MCTP1: variants seen among roughly 807,000 people sequenced by gnomAD.
The protein encoded by MCTP1 is multiple C2 and transmembrane domain containing 1.
Under a neutral mutation model 120.6 loss-of-function variants are expected in MCTP1, and 69 were observed. That is an observed-to-expected ratio of 0.57 (90% CI 0.47 to 0.70). MCTP1 has a LOEUF of 0.70. MCTP1 is among the 30% of genes least tolerant of loss of function. The pLI is 0.00. For synonymous variants in MCTP1, 529 were observed against 493.1 expected, an observed-to-expected ratio of 1.07 and a Z score of -0.96; for missense variants, 1,203 against 1,248.8, an observed-to-expected ratio of 0.96 and a Z score of 0.55.
chr5:94,710,862 G>A lies in MCTP1; in HGVS notation c.2786C>T (p.Ala929Val), dbSNP rs1173100727. 9.9e-6 allele frequency: 16 copies of A among 1,612,900 alleles called. 2 individuals carry two copies. In the African/African-American group the frequency reaches 1.6e-4, roughly 16 times the overall value. Residue 929 changes from alanine to valine, a missense_variant, in exon 21 of 23, where the codon GCC becomes GTC. By Grantham distance (64) the Ala-to-Val change is moderately conservative (BLOSUM62 0). Coordinates refer to ENST00000515393, the MANE Select transcript of MCTP1 (RefSeq NM_024717.7). ...TCTCAGCGGAATGCAGTACAGGATGGCTGTGAACACACAGAGGGCTACAAT... is the reference window on the plus strand; with the variant it reads ...TCTCAGCGGAATGCAGTACAGGATGACTGTGAACACACAGAGGGCTACAAT... ...LAIVALCVFT[A>V]ILYCIPLRYI...
intron 10 of MCTP1, among the ~76,000 whole-genome samples, chr5:94,908,354 T>A (rs375878781): frequency 6.6e-6 from 1 of 151,960 alleles, no homozygotes; most frequent in South Asian, 2.1e-4. Flanking sequence ...GAAAATGATA[T>A]ATATATAACT....
At chr5:95,140,082 T>C (rs898290161) in intron 1 of MCTP1, among the ~76,000 whole-genome samples, 16 of 152,230 alleles carry the variant, frequency 1.1e-4, no homozygotes, top group African/African-American at 2.9e-4. Flanking sequence ...ATGACACTCA[T>C]GCTTCCAATG....
chr5:95,061,048 T>C (rs571591808), intron 1 of MCTP1, among the ~76,000 whole-genome samples: 2 of 148,106 alleles, frequency 1.4e-5, no homozygotes, highest in African/African-American at 5.0e-5. Flanking sequence ...CATGAAGCCA[T>C]GAAGCCATTA....
At chr5:94,808,681 CA>C (rs1782855238) in intron 17 of MCTP1, among the ~76,000 whole-genome samples, 1 of 151,978 alleles carries the variant, frequency 6.6e-6, no homozygotes, top group African/African-American at 2.4e-5. Flanking sequence ...CACTATCTAC[CA>C]AATGACTCTA....
In MCTP1 at chr5:94,953,071, T is replaced by TTCCCTCCTTCTAA. The variant is rs1246146094; in HGVS notation, c.981+147_981+148insTTAGAAGGAGGGA. On this transcript the variant is annotated intron_variant, in intron 3 of 22. Transcript: ENST00000515393. The stretch of plus-strand genomic sequence containing the variant: ...TAGCTCCTCCTTCCCTCTATCTCAC[T>TTCCCTCCTTCTAA]TCTATCATATTATCCATAGATTAGA... 51 of 655,574 alleles carry TTCCCTCCTTCTAA rather than the reference T, an allele frequency of 7.8e-5. No homozygotes were observed. The Middle Eastern group carries it at 1.2e-3, about 16-fold the overall frequency. The allele number at this position is 655,574 out of a possible 1,614,324, so 40.6% of individuals were successfully genotyped here.
In MCTP1 at chr5:95,023,861, G is replaced by T. The variant is rs185398183; in HGVS notation, c.721-6377C>A. ...TCACCTCTGAAATTTTAAATATCCT[G>T]AATGATATATCTAAGTTGTCTGCTC... On this transcript the variant is annotated intron_variant, in intron 1 of 22. Coordinates refer to ENST00000515393, the MANE Select transcript of MCTP1 (RefSeq NM_024717.7). Among the ~76,000 whole-genome samples the T allele has an allele frequency of 4.9e-3, 741 of 152,264 alleles. 1 individual carries two copies. Among genetic ancestry groups the T allele is most frequent in the Admixed American group, 0.011 (167 of 15,288 alleles).
In MCTP1 at chr5:94,768,053, G is replaced by A. The variant is rs191844263; in HGVS notation, c.2610+11057C>T. Among the ~76,000 whole-genome samples the A allele has an allele frequency of 8.7e-4, 132 of 152,194 alleles. 2 individuals carry two copies. Among genetic ancestry groups the A allele is most frequent in the Non-Finnish European group, 1.5e-3 (99 of 67,966 alleles). On this transcript the variant is annotated intron_variant, in intron 19 of 22. Transcript: ENST00000515393. ...ACAACACGGTATTGGTATTAAAACA[G>A]ACACATCAACTAATAGACCAGAACA...
At chr5:95,175,340 C>T (rs775713631) in intron 1 of MCTP1, among the ~76,000 whole-genome samples, 37 of 152,124 alleles carry the variant, frequency 2.4e-4, no homozygotes, top group Admixed American at 2.2e-3. Flanking sequence ...CAGGCAAACA[C>T]GCAGGAAATG....
chr5:95,070,247 G>T (rs1751796491), intron 1 of MCTP1, among the ~76,000 whole-genome samples: 1 of 152,212 alleles, frequency 6.6e-6, no homozygotes, highest in African/African-American at 2.4e-5. Flanking sequence ...AGCCCAGCTT[G>T]CCTCTCACCC....
chr5:94,875,437 G>T (rs947795058), intron 12 of MCTP1, among the ~76,000 whole-genome samples: 1 of 152,074 alleles, frequency 6.6e-6, no homozygotes, highest in Non-Finnish European at 1.5e-5. Context: ...TCTGGAGATA[G>T]TGGCAGGTCT....
intron 15 of MCTP1, 116 bp from the exon 16 acceptor site, chr5:94,870,607 C>T (rs1797660355): frequency 5.0e-6 from 4 of 803,634 alleles, no homozygotes; most frequent in South Asian, 4.7e-5. Flanking sequence ...CTGCTGTGCT[C>T]ATAAAATATA....
chr5:94,719,799 G>A (rs1760432803), intron 19 of MCTP1, among the ~76,000 whole-genome samples: 1 of 152,178 alleles, frequency 6.6e-6, no homozygotes, highest in Admixed American at 6.5e-5. Flanking sequence ...TAACAAACCT[G>A]CATGTCCTGC....
At chr5:94,714,122 A>C (rs892598674) in intron 20 of MCTP1, among the ~76,000 whole-genome samples, 1 of 152,102 alleles carries the variant, frequency 6.6e-6, no homozygotes, top group Non-Finnish European at 1.5e-5. Context: ...GATAAAACAC[A>C]TACGTATATA....
chr5:95,179,948 A>G (rs1048070744), intron 1 of MCTP1, among the ~76,000 whole-genome samples: 5 of 152,218 alleles, frequency 3.3e-5, no homozygotes, highest in Non-Finnish European at 7.3e-5. Flanking sequence ...AGAGGTAGAA[A>G]AAGATATTCC....
intron 1 of MCTP1, among the ~76,000 whole-genome samples, chr5:95,029,950 G>C (rs1487393027): frequency 1.3e-5 from 2 of 152,106 alleles, no homozygotes; most frequent in Non-Finnish European, 2.9e-5. Flanking sequence ...CTTACACAAA[G>C]AGCAGGGTCC....
At chr5:95,207,313 G>A (rs931504372) in intron 1 of MCTP1, among the ~76,000 whole-genome samples, 1 of 152,270 alleles carries the variant, frequency 6.6e-6, no homozygotes, top group East Asian at 1.9e-4. Flanking sequence ...ACAGAGGAGG[G>A]ACATGAGTGT....
chr5:94,846,432 G>A (rs153900), intron 17 of MCTP1, among the ~76,000 whole-genome samples: 120,152 of 152,048 alleles, frequency 0.79, 47,895 homozygotes, highest in Non-Finnish European at 0.85. Context: ...GTTCTCACTT[G>A]TAAGTGGGAG....
intron 7 of MCTP1, among the ~76,000 whole-genome samples, chr5:94,922,981 C>T (rs1316754980): frequency 1.0e-5 from 1 of 96,260 alleles, no homozygotes; most frequent in Non-Finnish European, 2.1e-5. Context: ...AATAAGCTCA[C>T]AACAATAAAA....
At chr5:95,072,723 G>C (rs983780733) in intron 1 of MCTP1, among the ~76,000 whole-genome samples, 1 of 149,906 alleles carries the variant, frequency 6.7e-6, no homozygotes, top group Non-Finnish European at 1.5e-5. Context: ...TCCAAATTTG[G>C]ACTCTGCTTA....
Sources: allele counts gnomAD v4.1 joint callset (sites outside exome capture counted in the v4.1 genomes callset), GRCh38; gene constraint gnomAD v4.1.1; transcripts MANE v1.5; gene names NCBI Gene and HGNC (gene_info 2026-07-23, HGNC 2026-07-21).